Variants in CTNNA3 observed in about 807,000 individuals in gnomAD.
The protein encoded by CTNNA3 is catenin alpha 3.
In CTNNA3, 76 loss-of-function variants were observed where a neutral mutation model predicts 95.7. The observed-to-expected ratio is 0.79, with a 90% CI of 0.66 to 0.96. The LOEUF (loss-of-function observed/expected upper bound fraction) is 0.96. CTNNA3 is among the 40% of genes least tolerant of loss of function. The pLI, the probability that CTNNA3 is intolerant of heterozygous loss-of-function variation, is 0.00. For synonymous variants in CTNNA3, 431 were observed against 374.4 expected (o/e 1.15, Z -1.74); for missense variants, 1,191 against 1,089.8 (o/e 1.09, Z -1.31).
At chr10:66,025,375 G>A (rs79763279) in intron 15 of CTNNA3, among the ~76,000 whole-genome samples, 4,407 of 152,266 alleles carry the variant, frequency 0.029, 160 homozygotes, top group African/African-American at 0.082. Flanking sequence ...AAACAGTGGA[G>A]GTGATGAAAA....
At chr10:66,419,005 AGCACTGAAAGTCC>A in intron 11 of CTNNA3, among the ~76,000 whole-genome samples, 1 of 152,108 alleles carries the variant, frequency 6.6e-6, no homozygotes, top group East Asian at 1.9e-4. Flanking sequence ...TAATCAACAA[AGCACTGAAAGTCC>A]TAGCCAGAGT....
intron 5 of CTNNA3, among the ~76,000 whole-genome samples, chr10:67,244,001 A>G (rs978936218): frequency 6.6e-6 from 1 of 152,196 alleles, no homozygotes; most frequent in Non-Finnish European, 1.5e-5. Flanking sequence ...AACACCTCTC[A>G]CCACTTTAAA....
intron 12 of CTNNA3, among the ~76,000 whole-genome samples, chr10:66,324,529 G>C (rs188073754): frequency 1.1e-4 from 16 of 152,092 alleles, no homozygotes; most frequent in African/African-American, 3.6e-4. Context: ...TGTAACACTG[G>C]GGTTGCAGGC....
At chr10:67,036,115 A>G (rs1169844688) in intron 7 of CTNNA3, among the ~76,000 whole-genome samples, 1 of 152,124 alleles carries the variant, frequency 6.6e-6, no homozygotes, top group Non-Finnish European at 1.5e-5. Context: ...GATAGTCTCA[A>G]TTATAATTGT....
intron 5 of CTNNA3, among the ~76,000 whole-genome samples, chr10:67,427,166 C>G (rs1845950704): frequency 6.6e-6 from 1 of 151,930 alleles, no homozygotes; most frequent in African/African-American, 2.4e-5. Context: ...TTTAAAAGAT[C>G]TACCAATTTT....
rs556392857 is a variant in CTNNA3, at chr10:65,947,413, A to G, written c.2400+19199T>C. Among the ~76,000 whole-genome samples, 116 of 152,284 alleles carry G rather than the reference A, an allele frequency of 7.6e-4. 8 individuals are homozygous for G. Among genetic ancestry groups the G allele is most frequent in the Admixed American group, 5.2e-4 (8 of 15,304 alleles). On this transcript the variant is annotated intron_variant, in intron 17 of 17. Coordinates refer to ENST00000433211, the MANE Select transcript of CTNNA3 (RefSeq NM_013266.4). ...ATTAGCTAATTCCATGACTACTGCC[A>G]TGACTACTACGACTATTATTAATAA...
chr10:67,163,838 C>T (rs1861651482), intron 7 of CTNNA3, among the ~76,000 whole-genome samples: 1 of 151,766 alleles, frequency 6.6e-6, no homozygotes, highest in East Asian at 1.9e-4. Context: ...CTTGTATATA[C>T]TAATAACAGG....
intron 1 of CTNNA3, among the ~76,000 whole-genome samples, chr10:67,757,267 C>T (rs1841438192): frequency 6.6e-6 from 1 of 152,156 alleles, no homozygotes; most frequent in Non-Finnish European, 1.5e-5. Flanking sequence ...TATTTAAAGG[C>T]ATGGGCATAG....
chr10:65,981,298 G>A (rs2078314391), intron 16 of CTNNA3, among the ~76,000 whole-genome samples: 1 of 151,906 alleles, frequency 6.6e-6, no homozygotes, highest in Admixed American at 6.6e-5. Context: ...CCAAGGAGGT[G>A]AAAGACTTCT....
rs1212726121 is a variant in CTNNA3, at chr10:66,748,662, T to C, written c.1281+17602A>G. 2.6e-5 allele frequency among the ~76,000 whole-genome samples: 4 copies of C among 152,286 alleles called. No individual in the cohort carries two copies. The East Asian group carries it at 5.8e-4, about 22-fold the overall frequency. ...AGATTTGTTAAATGAATAAACCAAT[T>C]AACAATTAATAAAATAATTAATTAA... On this transcript the variant is annotated intron_variant, in intron 9 of 17. Coordinates refer to ENST00000433211, the MANE Select transcript of CTNNA3 (RefSeq NM_013266.4).
At chr10:66,947,689 T>C (rs1589469785) in intron 7 of CTNNA3, among the ~76,000 whole-genome samples, 1 of 152,338 alleles carries the variant, frequency 6.6e-6, no homozygotes, top group East Asian at 1.9e-4. Context: ...CATTCTGTTT[T>C]CAAATATTTT....
In CTNNA3 at chr10:66,639,802, C is replaced by T. The variant is rs114074203; in HGVS notation, c.1282-18018G>A. Among the ~76,000 whole-genome samples the T allele has an allele frequency of 6.3e-3, 953 of 152,092 alleles. 15 individuals carry two copies. Among genetic ancestry groups the T allele is most frequent in the African/African-American group, 0.021 (874 of 41,498 alleles). On this transcript the variant is annotated intron_variant, in intron 9 of 17. Transcript: ENST00000433211. ...GTCCTTTTATGTTTAAATAAGTATG[C>T]ATGTAAAGCTAAAATAACATGAATA...
intron 15 of CTNNA3, among the ~76,000 whole-genome samples, chr10:66,025,945 T>G (rs1344344899): frequency 6.6e-6 from 1 of 152,108 alleles, no homozygotes; most frequent in African/African-American, 2.4e-5. Context: ...ACACACACAC[T>G]CACATGTGCA....
intron 7 of CTNNA3, among the ~76,000 whole-genome samples, chr10:66,909,112 C>A (rs1041371220): frequency 9.2e-5 from 14 of 151,948 alleles, no homozygotes; most frequent in African/African-American, 3.4e-4. Context: ...GAGCCACTTG[C>A]GATAATACTA....
intron 10 of CTNNA3, among the ~76,000 whole-genome samples, chr10:66,586,301 G>GT (rs1843359434): frequency 6.6e-6 from 1 of 152,090 alleles, no homozygotes; most frequent in Non-Finnish European, 1.5e-5. Flanking sequence ...GTGGGTAAAT[G>GT]TAATATCCAA....
At chr10:66,391,876 C>A (rs1295822975) in intron 11 of CTNNA3, among the ~76,000 whole-genome samples, 1 of 151,778 alleles carries the variant, frequency 6.6e-6, no homozygotes, top group Non-Finnish European at 1.5e-5. Flanking sequence ...GACTTGGAAG[C>A]TACTGATTTT....
At chr10:67,215,712 G>A (rs1310283062) in intron 6 of CTNNA3, among the ~76,000 whole-genome samples, 1 of 152,112 alleles carries the variant, frequency 6.6e-6, no homozygotes, top group East Asian at 1.9e-4. Context: ...TGCTATTCGG[G>A]TTAGTGTTAT....
At chr10:67,293,880 T>C (rs915224143) in intron 5 of CTNNA3, among the ~76,000 whole-genome samples, 2 of 152,116 alleles carry the variant, frequency 1.3e-5, no homozygotes, top group Non-Finnish European at 2.9e-5. Flanking sequence ...TATTCCATGG[T>C]GTATATTTGC....
At chr10:66,367,868 A>T (rs3935848) in intron 12 of CTNNA3, among the ~76,000 whole-genome samples, 1 of 84,206 alleles carries the variant, frequency 1.2e-5, no homozygotes, top group African/African-American at 3.6e-5. Context: ...TAATAATAAT[A>T]ATAATAATAA....
Sources: gnomAD v4.1 joint callset for allele counts (sites outside exome capture counted in the v4.1 genomes callset) on GRCh38, gnomAD v4.1.1 for gene constraint, MANE v1.5 for transcripts, NCBI Gene and HGNC (gene_info 2026-07-23, HGNC 2026-07-21) for gene names.